PHACTR3: variants seen among roughly 807,000 people sequenced by gnomAD.
The protein encoded by PHACTR3 is phosphatase and actin regulator 3, also known as protein phosphatase 1, regulatory subunit 123.
A neutral mutation model predicts 66.8 loss-of-function variants in PHACTR3; 16 were observed. The ratio of observed to expected loss-of-function variants is 0.24; its 90% CI spans 0.16 to 0.36. The LOEUF (loss-of-function observed/expected upper bound fraction) is 0.36. Among genes scored for constraint, PHACTR3 ranks in the 10% least tolerant of loss-of-function variants. The probability of loss-of-function intolerance (pLI) is 1.00; values close to 1 mark genes in which losing one functional copy is unlikely to be tolerated. For synonymous variants in PHACTR3, 323 were observed against 292.1 expected, an observed-to-expected ratio of 1.11 and a Z score of -1.08; for missense variants, 647 against 719.9, an observed-to-expected ratio of 0.90 and a Z score of 1.16.
chr20:59,840,861 G>A (rs1033091324), intron 10 of PHACTR3, among the ~76,000 whole-genome samples: 11 of 152,176 alleles, frequency 7.2e-5, no homozygotes, highest in African/African-American at 2.7e-4. Flanking sequence ...TCAAAGGTTT[G>A]TTCTCTGTGA....
chr20:59,744,572 A>G (rs918303325), intron 2 of PHACTR3, among the ~76,000 whole-genome samples: 1 of 152,148 alleles, frequency 6.6e-6, no homozygotes, highest in Non-Finnish European at 1.5e-5. Context: ...GATGGTGGAG[A>G]CGAAGGCCAG....
intron 1 of PHACTR3, among the ~76,000 whole-genome samples, chr20:59,686,130 C>T (rs755198608): frequency 7.9e-5 from 12 of 152,284 alleles, no homozygotes; most frequent in Non-Finnish European, 1.6e-4. Context: ...GACAGGAATT[C>T]AGCTCATATC....
intron 7 of PHACTR3, among the ~76,000 whole-genome samples, chr20:59,800,823 A>G (rs2041390683): frequency 6.6e-6 from 1 of 152,182 alleles, no homozygotes; most frequent in Non-Finnish European, 1.5e-5. Flanking sequence ...AGTCTAATTC[A>G]TGCCAGGTTT....
At chr20:59,579,734 G>C (rs928270127) in intron 1 of PHACTR3, among the ~76,000 whole-genome samples, 4 of 152,214 alleles carry the variant, frequency 2.6e-5, no homozygotes, top group Admixed American at 6.5e-5. Flanking sequence ...GCTGCTTGGA[G>C]GACAGGAGGG....
intron 8 of PHACTR3, among the ~76,000 whole-genome samples, chr20:59,819,721 CA>C (rs2041980550): frequency 6.6e-6 from 1 of 151,538 alleles, no homozygotes. Flanking sequence ...CAGTACTGGC[CA>C]CCCGTCAACT....
upstream of PHACTR3, among the ~76,000 whole-genome samples, chr20:59,601,323 A>G (rs940064699): frequency 2.6e-5 from 4 of 152,234 alleles, no homozygotes; most frequent in Non-Finnish European, 4.4e-5. Context: ...TCATGGCTGC[A>G]TATTATCCTA....
At chr20:59,778,353 C>T (rs185394897) in intron 7 of PHACTR3, among the ~76,000 whole-genome samples, 5 of 152,280 alleles carry the variant, frequency 3.3e-5, no homozygotes, top group South Asian at 2.1e-4. Context: ...CTCCCTCTCC[C>T]GGCTCGCCTC....
At chr20:59,684,962 C>T (rs2036807259) in intron 1 of PHACTR3, among the ~76,000 whole-genome samples, 1 of 152,190 alleles carries the variant, frequency 6.6e-6, no homozygotes, top group African/African-American at 2.4e-5. Flanking sequence ...TCAGCACGTC[C>T]CGTGGCTCAG....
At chr20:59,761,749 A>G (rs2039999627) in intron 4 of PHACTR3, among the ~76,000 whole-genome samples, 1 of 152,202 alleles carries the variant, frequency 6.6e-6, no homozygotes, top group Admixed American at 6.5e-5. Flanking sequence ...GCAAAGAGGT[A>G]CCAGTAAGTC....
intron 7 of PHACTR3, among the ~76,000 whole-genome samples, chr20:59,801,526 A>T (rs1038316056): frequency 6.6e-6 from 1 of 152,180 alleles, no homozygotes; most frequent in Non-Finnish European, 1.5e-5. Context: ...AGGCTCTGCT[A>T]TTGGGTGTCC....
chr20:59,718,077 A>G (rs1181290255), intron 1 of PHACTR3, among the ~76,000 whole-genome samples: 1 of 152,200 alleles, frequency 6.6e-6, no homozygotes, highest in Non-Finnish European at 1.5e-5. Flanking sequence ...TAGGTGGTCA[A>G]GGGCAAAAAG....
At chr20:59,716,093 G>A (rs1209935461) in intron 1 of PHACTR3, among the ~76,000 whole-genome samples, 2 of 152,002 alleles carry the variant, frequency 1.3e-5, no homozygotes, top group African/African-American at 4.8e-5. Context: ...CTGGCTCATG[G>A]TGCTCACTCC....
intron 7 of PHACTR3, among the ~76,000 whole-genome samples, chr20:59,776,358 G>T (rs1468234306): frequency 6.6e-6 from 1 of 152,332 alleles, no homozygotes; most frequent in African/African-American, 2.4e-5. Flanking sequence ...TGCCAGGCTG[G>T]GACTTGAACC....
rs2036704740 is a variant in PHACTR3 at position 59,682,604 on chromosome 20, G to T, written c.119-60503G>T. 2.0e-5 allele frequency among the ~76,000 whole-genome samples: 3 copies of T among 152,218 alleles called. No homozygotes were observed. In the South Asian group the frequency reaches 6.2e-4, roughly 32 times the overall value. ...GGAGGTAAGAGAAGGTATAAATGTG[G>T]TAGGCTGTAGACATTTGAGTATTAC... On this transcript the variant is annotated intron_variant, in intron 1 of 12. Transcript: ENST00000371015.
intron 1 of PHACTR3, among the ~76,000 whole-genome samples, chr20:59,588,202 T>C (rs2033091516): frequency 6.6e-6 from 1 of 152,220 alleles, no homozygotes; most frequent in African/African-American, 2.4e-5. Flanking sequence ...TAAACTCATA[T>C]GTGAGGCTCT....
intron 1 of PHACTR3, among the ~76,000 whole-genome samples, chr20:59,687,489 A>T (rs2036946818): frequency 6.6e-6 from 1 of 152,210 alleles, no homozygotes; most frequent in Non-Finnish European, 1.5e-5. Flanking sequence ...AGTTGAATGC[A>T]GCAGACTCAT....
chr20:59,718,520 G>C (rs377058493), intron 1 of PHACTR3, among the ~76,000 whole-genome samples: 4 of 151,416 alleles, frequency 2.6e-5, no homozygotes, highest in African/African-American at 9.7e-5. Flanking sequence ...AGAGGAAAGA[G>C]ACATGCAGGT....
chr20:59,717,246 G>A (rs1310589502), intron 1 of PHACTR3, among the ~76,000 whole-genome samples: 1 of 152,112 alleles, frequency 6.6e-6, no homozygotes, highest in Non-Finnish European at 1.5e-5. Context: ...TCTTAATAAT[G>A]AAAACAGCAC....
chr20:59,692,913 A>C (rs759572619), intron 1 of PHACTR3, among the ~76,000 whole-genome samples: 1 of 152,254 alleles, frequency 6.6e-6, no homozygotes, highest in African/African-American at 2.4e-5. Context: ...TAAGTACTCA[A>C]TGAAAAAAGG....
Sources: gnomAD v4.1 joint callset for allele counts (sites outside exome capture counted in the v4.1 genomes callset) on GRCh38, gnomAD v4.1.1 for gene constraint, MANE v1.5 for transcripts, NCBI Gene and HGNC (gene_info 2026-07-23, HGNC 2026-07-21) for gene names.